The following PABPC4L variants were observed in gnomAD, a reference collection of about 807,000 sequenced individuals.
The protein encoded by PABPC4L is poly(A) binding protein cytoplasmic 4 like.
For missense variants in PABPC4L, 452 were observed against 451.4 expected (o/e 1.00, Z -0.01); for synonymous variants, 169 against 164.1 (o/e 1.03, Z -0.23).
Position 134,197,898 on chromosome 4 carries a change from A to C in PABPC4L, c.*2009T>G, listed in dbSNP as rs940309481. 2.6e-5 allele frequency: 4 copies of C among 151,788 alleles called. No homozygotes were observed. Among genetic ancestry groups the C allele is most frequent in the Non-Finnish European group, 5.9e-5 (4 of 67,724 alleles). The allele number at this position is 151,788 out of a possible 1,614,324, so 9.4% of individuals were successfully genotyped here. A position where few individuals can be genotyped will look rare whatever the true frequency, so the allele number is the denominator to read the frequency against. On this transcript the variant is annotated 3_prime_UTR_variant, in exon 2 of 2. Coordinates refer to ENST00000421491, the MANE Select transcript of PABPC4L (RefSeq NM_001114734.2). ...GACAGCATTTAAGCAATATTTATCA[A>C]AATTACTTTTTAAAATTGATTCTTT...
the PABPC4L span, among the ~76,000 whole-genome samples, chr4:134,169,861 T>C: frequency 6.6e-6 from 1 of 152,162 alleles, no homozygotes. Flanking sequence ...CTTATGCATT[T>C]TACTTTTTAA....
chr4:134,062,086 G>A, the PABPC4L span, among the ~76,000 whole-genome samples: 2 of 151,374 alleles, frequency 1.3e-5, no homozygotes, highest in African/African-American at 4.9e-5. Context: ...GGGTGGTTAA[G>A]ATAGGAAATG....
chr4:134,168,364 A>C, the PABPC4L span, among the ~76,000 whole-genome samples: 2 of 152,024 alleles, frequency 1.3e-5, no homozygotes, highest in Admixed American at 1.3e-4. Flanking sequence ...TTAAAGAAGT[A>C]GAACAGCAAG....
Position 134,200,061 on chromosome 4 carries a change from C to A in PABPC4L, c.959G>T (p.Ser320Ile). The change falls in exon 2 of 2, where the codon AGC becomes ATC. Residue 320 changes from serine (S) to isoleucine (I), a missense_variant. Coordinates refer to ENST00000421491, the MANE Select transcript of PABPC4L (RefSeq NM_001114734.2). ...CTCTTCCTGCATTACCTTAACTCTGCTAATTGATCCAAATGAAGAAAATTC... is the reference window on the plus strand; with the variant it reads ...CTCTTCCTGCATTACCTTAACTCTGATAATTGATCCAAATGAAGAAAATTC... ...RNEFSSFGSI[S>I]RVKVMQEEGQ... 6.4e-7 allele frequency: 1 copy of A among 1,551,664 alleles called. No individual in the cohort carries two copies. The highest frequency in any genetic ancestry group is 1.2e-5 in the South Asian group (1 of 84,066).
chr4:133,999,524 G>A, the PABPC4L span, among the ~76,000 whole-genome samples: 3 of 151,964 alleles, frequency 2.0e-5, no homozygotes, highest in Non-Finnish European at 4.4e-5. Flanking sequence ...CACATATCTA[G>A]GTAAATTTCA....
the PABPC4L span, among the ~76,000 whole-genome samples, chr4:134,040,257 C>T: frequency 0.01 from 1,509 of 150,508 alleles, 24 homozygotes; most frequent in South Asian, 0.018. Context: ...AAAAAAGAGC[C>T]CACATAGCCA....
At chr4:134,064,279 A>T in the PABPC4L span, among the ~76,000 whole-genome samples, 1 of 152,064 alleles carries the variant, frequency 6.6e-6, no homozygotes, top group Non-Finnish European at 1.5e-5. Flanking sequence ...CAAATTCCCA[A>T]GTAGGATTTA....
At chr4:134,192,004 C>A (rs1399963487), downstream of PABPC4L, among the ~76,000 whole-genome samples, 2 of 151,950 alleles carry the variant, frequency 1.3e-5, no homozygotes, top group African/African-American at 4.8e-5. Context: ...CAATGAGAAA[C>A]TGTCTTTGTC....
chr4:134,124,175 T>C, the PABPC4L span, among the ~76,000 whole-genome samples: 3 of 152,084 alleles, frequency 2.0e-5, no homozygotes, highest in Non-Finnish European at 4.4e-5. Flanking sequence ...ATCATGCAAA[T>C]TGGGTTTTTT....
the PABPC4L span, among the ~76,000 whole-genome samples, chr4:134,077,695 C>T: frequency 1.3e-5 from 2 of 152,252 alleles, no homozygotes; most frequent in South Asian, 2.1e-4. Context: ...TACCTCTGGC[C>T]TTTGTGTTCT....
the PABPC4L span, among the ~76,000 whole-genome samples, chr4:134,008,683 T>G: frequency 6.6e-6 from 1 of 151,910 alleles, no homozygotes; most frequent in East Asian, 1.9e-4. Context: ...AATTGGTACT[T>G]AGGAAAATTA....
the PABPC4L span, among the ~76,000 whole-genome samples, chr4:133,971,488 G>A: frequency 6.6e-6 from 1 of 152,084 alleles, no homozygotes; most frequent in Non-Finnish European, 1.5e-5. Flanking sequence ...CTGCCACATT[G>A]GCCCAGGAGC....
At chr4:134,152,862 T>C in the PABPC4L span, among the ~76,000 whole-genome samples, 50 of 152,244 alleles carry the variant, frequency 3.3e-4, no homozygotes, top group African/African-American at 1.2e-3. Context: ...GGGTCTCAGA[T>C]TGCCTCCACT....
downstream of PABPC4L, among the ~76,000 whole-genome samples, chr4:134,191,869 A>T: frequency 6.6e-6 from 1 of 152,158 alleles, no homozygotes; most frequent in South Asian, 2.1e-4. Context: ...AAATAAATAA[A>T]TAAATAAAAA....
chr4:133,993,862 A>C, the PABPC4L span, among the ~76,000 whole-genome samples: 1 of 99,550 alleles, frequency 1.0e-5, no homozygotes, highest in South Asian at 3.0e-4. Context: ...TAGATCTAGC[A>C]GTTGCTGAAG....
At chr4:134,160,392 C>T in the PABPC4L span, among the ~76,000 whole-genome samples, 1 of 152,214 alleles carries the variant, frequency 6.6e-6, no homozygotes, top group East Asian at 1.9e-4. Context: ...CTACAAGAGC[C>T]ACAGTGTTCC....
the PABPC4L span, among the ~76,000 whole-genome samples, chr4:134,173,054 C>T: frequency 7.1e-6 from 1 of 140,476 alleles, no homozygotes; most frequent in Admixed American, 7.8e-5. Context: ...AAAAGACAGG[C>T]AATAACAAAT....
At chr4:134,063,093 A>G in the PABPC4L span, among the ~76,000 whole-genome samples, 2 of 152,138 alleles carry the variant, frequency 1.3e-5, no homozygotes, top group Non-Finnish European at 2.9e-5. Context: ...TTTAGCGAGC[A>G]ACTGAGGCTG....
At chr4:134,083,950 G>A in the PABPC4L span, among the ~76,000 whole-genome samples, 1 of 152,012 alleles carries the variant, frequency 6.6e-6, no homozygotes, top group African/African-American at 2.4e-5. Context: ...GTGATTCTTA[G>A]GGAAAAATGT....
Sources: gnomAD v4.1 joint callset for allele counts (sites outside exome capture counted in the v4.1 genomes callset) on GRCh38, gnomAD v4.1.1 for gene constraint, MANE v1.5 for transcripts, NCBI Gene and HGNC (gene_info 2026-07-23, HGNC 2026-07-21) for gene names.